Variants in FMO1 observed in about 807,000 individuals in gnomAD.
The protein encoded by FMO1 is flavin containing dimethylaniline monoxygenase 1.
FMO1 carries 36 observed loss-of-function variants against 45.4 expected under a neutral mutation model. The observed-to-expected ratio is 0.79, with a 90% CI of 0.61 to 1.05. The LOEUF (loss-of-function observed/expected upper bound fraction) is 1.05. Ranked by LOEUF, FMO1 falls within the 50% of genes least tolerant of loss-of-function variation. The pLI is 0.00. For missense variants in FMO1, 615 were observed against 640.3 expected (o/e 0.96, Z 0.43); for synonymous variants, 228 against 227.2 (o/e 1.00, Z -0.03).
chr1:171,279,693 G>C (rs977101940), intron 5 of FMO1, among the ~76,000 whole-genome samples: 2 of 152,148 alleles, frequency 1.3e-5, no homozygotes, highest in Non-Finnish European at 2.9e-5. Context: ...CCTCAGAAGA[G>C]CCTGCTCTCA....
intron 5 of FMO1, among the ~76,000 whole-genome samples, chr1:171,279,368 T>G (rs1464395055): frequency 2.0e-5 from 3 of 152,194 alleles, no homozygotes; most frequent in Non-Finnish European, 4.4e-5. Flanking sequence ...GTGTTTTTAC[T>G]GCACTACTTT....
intron 3 of FMO1, among the ~76,000 whole-genome samples, chr1:171,272,991 G>C (rs1348746341): frequency 6.6e-6 from 1 of 152,174 alleles, no homozygotes; most frequent in African/African-American, 2.4e-5. Flanking sequence ...TGGTTTGTCT[G>C]TGTCCCCACT....
Position 171,285,588 on chromosome 1 carries a change from A to G in FMO1, c.*44A>G. The G allele has an allele frequency of 1.7e-6, 2 of 1,166,306 alleles. No individual in the cohort carries two copies. The highest frequency in any genetic ancestry group is 2.4e-6 in the Non-Finnish European group (2 of 826,018). 72.2% of individuals were successfully genotyped at this position (1,166,306 alleles called of 1,614,324 possible). ...GGAAGATGCACAGAGTAGATTTACA[A>G]TGCTCCAATTCCTCTCTTACAGCAA... On this transcript the variant is annotated 3_prime_UTR_variant, in exon 9 of 9. Transcript: ENST00000617670.
chr1:171,282,959 C>A, intron 7 of FMO1, 185 bp from the exon 8 acceptor site: 1 of 472,632 alleles, frequency 2.1e-6, no homozygotes, highest in South Asian at 4.6e-5. Context: ...ATCTTTTCAG[C>A]TGACGGCATT....
Position 171,285,425 on chromosome 1 carries a change from C to T in FMO1, c.1480C>T (p.Arg494Ter), listed in dbSNP as rs868481272. ...ARNAIMTQWD[R>*]TFKVIKARVV... ...AAATGCCATCATGACCCAGTGGGAC[C>T]GAACATTCAAGGTCATCAAAGCTCG... The change falls in exon 9 of 9, where the codon CGA becomes TGA. Residue 494 changes from arginine to a stop codon, truncating the protein, a stop_gained. Transcript: ENST00000617670. LOFTEE classifies it low-confidence loss of function (END_TRUNC). 17 of 1,609,816 alleles carry T rather than the reference C, an allele frequency of 1.1e-5. No homozygotes were observed. The highest frequency in any genetic ancestry group is 1.3e-5 in the Non-Finnish European group (15 of 1,178,176).
At position 171,285,674 on chromosome 1, in the gene FMO1, G is replaced by GCC; in HGVS notation, c.*131_*132insCC. The stretch of plus-strand genomic sequence containing the variant: ...TAAAGGCCACCCTCTCGCTTCCCTG[G>GCC]CTGGCCCCAGGGCTACCACTGGTAT... On this transcript the variant is annotated 3_prime_UTR_variant, in exon 9 of 9. Transcript: ENST00000617670. The GCC allele has an allele frequency of 2.1e-6, 1 of 481,998 alleles. No individual in the cohort carries two copies. Among genetic ancestry groups the GCC allele is most frequent in the Non-Finnish European group, 3.4e-6 (1 of 291,852 alleles). The allele number at this position is 481,998 out of a possible 1,614,324, so 29.9% of individuals were successfully genotyped here.
intron 5 of FMO1, among the ~76,000 whole-genome samples, chr1:171,280,333 T>C (rs1482392889): frequency 1.3e-5 from 2 of 152,180 alleles, no homozygotes; most frequent in East Asian, 1.9e-4. Flanking sequence ...CAGCCAATGT[T>C]AAAAAGAACA....
chr1:171,283,734 G>GA (rs1661493644), intron 8 of FMO1, among the ~76,000 whole-genome samples: 1 of 152,016 alleles, frequency 6.6e-6, no homozygotes, highest in Non-Finnish European at 1.5e-5. Context: ...TGTAGCATGT[G>GA]AAAAAATCAT....
chr1:171,284,049 C>T (rs1358115260), intron 8 of FMO1, among the ~76,000 whole-genome samples: 1 of 152,122 alleles, frequency 6.6e-6, no homozygotes, highest in Admixed American at 6.6e-5. Flanking sequence ...TGGCCCTCCC[C>T]TCTCACTCTC....
chr1:171,270,447 G>A lies in FMO1; in HGVS notation c.321+2716G>A, dbSNP rs541455050. ...TCAAAATGGGCAAAAGCAAAGACTA[G>A]CTTCCCCTCCAAAAGAAAAATTTCA... is the stretch of plus-strand genomic sequence containing the variant. On this transcript the variant is annotated intron_variant, in intron 3 of 8. Coordinates refer to ENST00000617670, the MANE Select transcript of FMO1 (RefSeq NM_001282693.2). The A allele has an allele frequency of 2.0e-5, 6 of 299,464 alleles. No homozygotes were observed. In the East Asian group the frequency reaches 1.0e-3, roughly 51 times the overall value. The allele number at this position is 299,464 out of a possible 1,614,324, so 18.6% of individuals were successfully genotyped here. A position where few individuals can be genotyped will look rare whatever the true frequency, so the allele number is the denominator to read the frequency against.
At chr1:171,254,320 C>G (rs1423152603) in intron 1 of FMO1, among the ~76,000 whole-genome samples, 1 of 152,088 alleles carries the variant, frequency 6.6e-6, no homozygotes, top group Non-Finnish European at 1.5e-5. Flanking sequence ...GAACTTCTGA[C>G]CTTAAGTGAT....
intron 3 of FMO1, among the ~76,000 whole-genome samples, chr1:171,274,072 C>T (rs1256093362): frequency 6.6e-6 from 1 of 150,516 alleles, no homozygotes; most frequent in South Asian, 2.1e-4. Flanking sequence ...TCTCTTGAAC[C>T]AGGGAAGCGG....
chr1:171,275,531 C>CTTTAAG, intron 4 of FMO1, 23 bp downstream of exon 4: 3 of 1,582,012 alleles, frequency 1.9e-6, no homozygotes, highest in Non-Finnish European at 2.6e-6. Context: ...CTGTAACTAA[C>CTTTAAG]TTTAAGTTTT....
chr1:171,280,900 C>T lies in FMO1; in HGVS notation c.742C>T (p.Pro248Ser), dbSNP rs1490344445. The change falls in exon 6 of 9, where the codon CCA becomes TCA. Residue 248 changes from proline (P) to serine (S), a missense_variant. Coordinates refer to ENST00000617670, the MANE Select transcript of FMO1 (RefSeq NM_001282693.2). Reference sequence around the variant, plus strand: ...TCAGAACATGTTGAGAAATTCCCTCCCAACCCCAATTGTGACTTGGTTGAT... The same window carrying T: ...TCAGAACATGTTGAGAAATTCCCTCTCAACCCCAATTGTGACTTGGTTGAT... ...RFQNMLRNSLPTPIVTWLMER... is the reference protein window; with the variant it reads ...RFQNMLRNSLSTPIVTWLMER... 6.2e-7 allele frequency: 1 copy of T among 1,613,942 alleles called. No homozygotes were observed. The highest frequency in any genetic ancestry group is 8.5e-7 in the Non-Finnish European group (1 of 1,179,844).
chr1:171,255,761 C>G (rs993312355), intron 1 of FMO1, among the ~76,000 whole-genome samples: 14 of 152,176 alleles, frequency 9.2e-5, no homozygotes. Context: ...GCTCCTCACC[C>G]TCCCCTAACA....
At chr1:171,262,296 A>C (rs1186363180) in intron 2 of FMO1, among the ~76,000 whole-genome samples, 1 of 152,164 alleles carries the variant, frequency 6.6e-6, no homozygotes, top group Non-Finnish European at 1.5e-5. Flanking sequence ...TTAGCCAGGC[A>C]TGGTGGCGTG....
chr1:171,275,272 C>A, intron 3 of FMO1, 74 bp from the exon 4 acceptor site: 1 of 1,177,406 alleles, frequency 8.5e-7, no homozygotes, highest in Non-Finnish European at 1.2e-6. Flanking sequence ...TTTAAAATAT[C>A]AATGGTACAT....
rs778601183 is a variant in FMO1 at position 171,278,710 on chromosome 1, T to C, written c.485-19T>C. 4.5e-5 allele frequency: 69 copies of C among 1,539,174 alleles called. No homozygotes were observed. In the South Asian group the frequency reaches 8.2e-4, roughly 18 times the overall value. ...GATCCTGTTAATTCTCTGTGTGACT[T>C]CTCTTTTATTTTCTATAGGTATTAA... On this transcript the variant is annotated intron_variant, in intron 4 of 8. Transcript: ENST00000617670.
rs760182875 is a variant in FMO1, at chr1:171,280,983, C to T, written c.825C>T (p.Asp275=). 2 of 1,613,128 alleles carry T rather than the reference C, an allele frequency of 1.2e-6. No individual in the cohort carries two copies. ...CAAATTACGGCTTAATACCAGAAGACAGGTAAATATAATGTGACTGCCAAG... is the reference window on the plus strand; with the variant it reads ...CAAATTACGGCTTAATACCAGAAGATAGGTAAATATAATGTGACTGCCAAG... The part of the protein sequence containing the change: ...NHANYGLIPE[D]RTQLKEFVLN... The change falls in exon 6 of 9, where the codon GAC becomes GAT. Residue 275 remains aspartate, a splice_region_variant and synonymous_variant. Coordinates refer to ENST00000617670, the MANE Select transcript of FMO1 (RefSeq NM_001282693.2).
Sources: allele counts gnomAD v4.1 joint callset (sites outside exome capture counted in the v4.1 genomes callset), GRCh38; gene constraint gnomAD v4.1.1; transcripts MANE v1.5; gene names NCBI Gene and HGNC (gene_info 2026-07-23, HGNC 2026-07-21).